LRRC4C: variants seen among roughly 807,000 people sequenced by gnomAD.
The protein encoded by LRRC4C is leucine-rich repeat-containing protein 4C.
A neutral mutation model predicts 33.6 loss-of-function variants in LRRC4C; 5 were observed. That is an observed-to-expected ratio of 0.15 (90% CI 0.08 to 0.31). The LOEUF is 0.31. Ranked by LOEUF, LRRC4C falls within the 10% of genes least tolerant of loss-of-function variation. The pLI is 1.00. For synonymous variants in LRRC4C, 329 were observed against 302.0 expected (o/e 1.09, Z -0.93); for missense variants, 560 against 796.7 (o/e 0.70, Z 3.58).
At chr11:40,682,737 A>G (rs886775233) in intron 2 of LRRC4C, among the ~76,000 whole-genome samples, 1 of 100,188 alleles carries the variant, frequency 1.0e-5, no homozygotes, top group Admixed American at 1.1e-4. Context: ...ACAGAGGGAG[A>G]CTCTGTCTCA....
intron 2 of LRRC4C, among the ~76,000 whole-genome samples, chr11:40,927,194 TG>T (rs1006006118): frequency 4.7e-4 from 71 of 152,062 alleles, no homozygotes; most frequent in Non-Finnish European, 8.8e-4. Flanking sequence ...GCCAACATGA[TG>T]AAACCCTGTC....
chr11:40,135,214 T>TTA (rs550836116), intron 6 of LRRC4C, among the ~76,000 whole-genome samples: 144 of 152,328 alleles, frequency 9.5e-4, no homozygotes, highest in African/African-American at 3.3e-3. Flanking sequence ...AAATAGGGAA[T>TTA]TATTCAGCAA....
intron 1 of LRRC4C, among the ~76,000 whole-genome samples, chr11:41,287,334 G>C (rs914355746): frequency 2.0e-5 from 3 of 152,122 alleles, no homozygotes; most frequent in African/African-American, 7.2e-5. Flanking sequence ...AGTCAGACCA[G>C]AACATAGGAT....
chr11:41,441,742 C>A (rs1480400410), intron 1 of LRRC4C, among the ~76,000 whole-genome samples: 1 of 151,740 alleles, frequency 6.6e-6, no homozygotes, highest in Non-Finnish European at 1.5e-5. Context: ...TAAAGGCCAA[C>A]AGGGCTCCCA....
At chr11:40,494,245 C>G (rs1244921028) in intron 3 of LRRC4C, among the ~76,000 whole-genome samples, 1 of 152,092 alleles carries the variant, frequency 6.6e-6, no homozygotes, top group Admixed American at 6.6e-5. Flanking sequence ...AGCGTGCCGT[C>G]TGTTTTCTGA....
At chr11:40,829,920 G>C (rs965394961) in intron 2 of LRRC4C, among the ~76,000 whole-genome samples, 7 of 151,976 alleles carry the variant, frequency 4.6e-5, no homozygotes, top group Admixed American at 6.6e-5. Context: ...CCCAGGAATT[G>C]CTATGAAAAC....
rs570556450 is a variant in LRRC4C, at chr11:40,149,528, T to C, written c.-95-8675A>G. On this transcript the variant is annotated intron_variant, in intron 5 of 6. Coordinates refer to ENST00000528697, the MANE Select transcript of LRRC4C (RefSeq NM_001258419.2). ...TAGGAATGCTAGTGATTTTTATATATTAATTTTGTATCCTGAGACTTTGCT... is the reference window on the plus strand; with the variant it reads ...TAGGAATGCTAGTGATTTTTATATACTAATTTTGTATCCTGAGACTTTGCT... Among the ~76,000 whole-genome samples, 16 of 152,268 alleles carry C rather than the reference T, an allele frequency of 1.1e-4. No homozygotes were observed. The East Asian group carries it at 2.9e-3, about 28-fold the overall frequency.
At chr11:40,370,215 T>C (rs1296253470) in intron 3 of LRRC4C, among the ~76,000 whole-genome samples, 1 of 151,884 alleles carries the variant, frequency 6.6e-6, no homozygotes, top group Non-Finnish European at 1.5e-5. Flanking sequence ...GCCAGTAGGG[T>C]TCTCAGCCTC....
At chr11:40,619,989 T>G (rs568811270) in intron 3 of LRRC4C, among the ~76,000 whole-genome samples, 18 of 145,422 alleles carry the variant, frequency 1.2e-4, no homozygotes, top group Non-Finnish European at 1.9e-4. Context: ...AGCCAACAAA[T>G]GCAAAAGTTC....
intron 3 of LRRC4C, among the ~76,000 whole-genome samples, chr11:40,338,892 A>G (rs1319791142): frequency 6.6e-6 from 1 of 152,214 alleles, no homozygotes; most frequent in Admixed American, 6.5e-5. Flanking sequence ...GAAATTTACA[A>G]TATAGCAGAG....
intron 1 of LRRC4C, among the ~76,000 whole-genome samples, chr11:41,026,126 G>A (rs747062359): frequency 1.3e-5 from 2 of 151,578 alleles, no homozygotes; most frequent in Non-Finnish European, 3.0e-5. Context: ...ATTTTGTAAG[G>A]CTATAGCTGA....
chr11:40,631,574 C>T (rs1056853216), intron 3 of LRRC4C, among the ~76,000 whole-genome samples: 6 of 152,126 alleles, frequency 3.9e-5, no homozygotes, highest in Admixed American at 2.6e-4. Context: ...ATGTGGGAGG[C>T]TTCAGAAAGT....
At chr11:41,108,472 A>G (rs1357955517) in intron 1 of LRRC4C, among the ~76,000 whole-genome samples, 1 of 152,106 alleles carries the variant, frequency 6.6e-6, no homozygotes, top group Non-Finnish European at 1.5e-5. Flanking sequence ...AGAGGCACTT[A>G]TTTTTGTTCA....
chr11:40,417,505 AT>A (rs112607203), intron 3 of LRRC4C, among the ~76,000 whole-genome samples: 24 of 146,900 alleles, frequency 1.6e-4, no homozygotes, highest in South Asian at 6.6e-4. Context: ...CTAATTTTTT[AT>A]TTTTTTTTTG....
intron 1 of LRRC4C, among the ~76,000 whole-genome samples, chr11:41,072,917 A>AT (rs372702226): frequency 6.6e-6 from 1 of 152,142 alleles, no homozygotes; most frequent in African/African-American, 2.4e-5. Context: ...TATTTCAGGA[A>AT]TTTTTTATTG....
intron 5 of LRRC4C, among the ~76,000 whole-genome samples, chr11:40,218,576 A>T (rs1440759123): frequency 7.0e-6 from 1 of 142,682 alleles, no homozygotes; most frequent in African/African-American, 2.7e-5. Flanking sequence ...GAGATGAAGA[A>T]TCTATGTATG....
chr11:40,579,061 G>C (rs1380038733), intron 3 of LRRC4C, among the ~76,000 whole-genome samples: 3 of 152,176 alleles, frequency 2.0e-5, no homozygotes, highest in African/African-American at 7.2e-5. Context: ...AAGTCGGCCG[G>C]GCGATGTGGC....
chr11:41,027,809 T>C (rs1007201148), intron 1 of LRRC4C, among the ~76,000 whole-genome samples: 1 of 151,758 alleles, frequency 6.6e-6, no homozygotes, highest in Non-Finnish European at 1.5e-5. Flanking sequence ...ATTGTATTCT[T>C]TGTTCACAAT....
intron 3 of LRRC4C, among the ~76,000 whole-genome samples, chr11:40,587,837 T>C (rs1958832551): frequency 1.3e-5 from 2 of 152,318 alleles, no homozygotes; most frequent in South Asian, 4.1e-4. Flanking sequence ...CACTTGATCA[T>C]GGTGGATAAG....
Sources: allele counts gnomAD v4.1 joint callset (sites outside exome capture counted in the v4.1 genomes callset), GRCh38; gene constraint gnomAD v4.1.1; transcripts MANE v1.5; gene names NCBI Gene and HGNC (gene_info 2026-07-23, HGNC 2026-07-21).